Variants in NCAM1 observed in about 807,000 individuals in gnomAD.
NCAM1 encodes neural cell adhesion molecule 1, also known as antigen recognized by monoclonal antibody 5.1H11.
A neutral mutation model predicts 109.8 loss-of-function variants in NCAM1; 14 were observed. The observed-to-expected ratio is 0.13, with a 90% confidence interval of 0.08 to 0.20. The LOEUF is 0.20. NCAM1 is among the 10% of genes least tolerant of loss of function. The probability of loss-of-function intolerance (pLI) is 1.00; values close to 1 mark genes in which losing one functional copy is unlikely to be tolerated. For synonymous variants in NCAM1, 418 were observed against 442.9 expected (o/e 0.94, Z 0.70); for missense variants, 774 against 1,109.9 (o/e 0.70, Z 4.30).
At chr11:113,168,263 G>A (rs1023046005) in intron 1 of NCAM1, among the ~76,000 whole-genome samples, 4 of 152,092 alleles carry the variant, frequency 2.6e-5, no homozygotes, top group Non-Finnish European at 5.9e-5. Flanking sequence ...GGTCCTATTT[G>A]TATTTGGTGT....
At chr11:113,118,692 G>GC (rs1273859683) in intron 1 of NCAM1, among the ~76,000 whole-genome samples, 1 of 151,756 alleles carries the variant, frequency 6.6e-6, no homozygotes, top group African/African-American at 2.4e-5. Context: ...TAGAATTGAC[G>GC]AATGGGTTCA....
At chr11:113,048,703 C>A (rs1953356306) in intron 1 of NCAM1, among the ~76,000 whole-genome samples, 1 of 152,198 alleles carries the variant, frequency 6.6e-6, no homozygotes, top group East Asian at 1.9e-4. Context: ...GTTATCCTGC[C>A]TGCCCCCAGC....
intron 1 of NCAM1, among the ~76,000 whole-genome samples, chr11:113,178,970 G>A (rs1943251365): frequency 6.6e-6 from 1 of 152,340 alleles, no homozygotes; most frequent in African/African-American, 2.4e-5. Context: ...TGAATGTCAG[G>A]CAGGACAGTA....
chr11:113,038,425 T>C (rs1201726433), intron 1 of NCAM1, among the ~76,000 whole-genome samples: 1 of 152,218 alleles, frequency 6.6e-6, no homozygotes, highest in Non-Finnish European at 1.5e-5. Context: ...CCCATAGCAC[T>C]TTGCTTCTTT....
chr11:113,032,583 T>C (rs1247196624), intron 1 of NCAM1, among the ~76,000 whole-genome samples: 2 of 152,238 alleles, frequency 1.3e-5, no homozygotes, highest in South Asian at 4.1e-4. Context: ...TTTTCCTATG[T>C]GCCCAGGCAG....
At chr11:113,177,933 A>T (rs1336508196) in intron 1 of NCAM1, among the ~76,000 whole-genome samples, 1 of 152,122 alleles carries the variant, frequency 6.6e-6, no homozygotes, top group Non-Finnish European at 1.5e-5. Context: ...AGGAATGCCT[A>T]CAGCAGCAGT....
Position 113,175,767 on chromosome 11 carries a change from T to C in NCAM1, c.53-26612T>C, listed in dbSNP as rs574573295. 1.7e-4 allele frequency among the ~76,000 whole-genome samples: 26 copies of C among 152,354 alleles called. No homozygotes were observed. The South Asian group carries it at 5.4e-3, about 32-fold the overall frequency. ...GAACATATTTAATACTGTGTCCCTATATTTATAATCCCAACATATTTATGC... is the reference window on the plus strand; with the variant it reads ...GAACATATTTAATACTGTGTCCCTACATTTATAATCCCAACATATTTATGC... On this transcript the variant is annotated intron_variant, in intron 1 of 19. Coordinates refer to ENST00000316851, the MANE Select transcript of NCAM1 (RefSeq NM_181351.5).
rs1179895846 is a variant in NCAM1, at chr11:113,273,224, G to A, written c.2456+1348G>A. 586 of 307,556 alleles carry A rather than the reference G, an allele frequency of 1.9e-3. 3 individuals are homozygous for A. The highest frequency in any genetic ancestry group is 1.2e-3 in the Non-Finnish European group (204 of 164,950). The allele number at this position is 307,556 out of a possible 1,614,324, so 19.1% of individuals were successfully genotyped here. A position where few individuals can be genotyped will look rare whatever the true frequency, so the allele number is the denominator to read the frequency against. The stretch of plus-strand genomic sequence containing the variant: ...CCCTCGTTGACCTGAGCGACACCCC[G>A]ACCTCAACCCCTGCCGCTAGCAATT... On this transcript the variant is annotated intron_variant, in intron 19 of 19. Coordinates refer to ENST00000316851, the MANE Select transcript of NCAM1 (RefSeq NM_181351.5). This position sits in a 1 kb window ranked among gnomAD's most constrained non-coding sequence, Gnocchi z 6.0.
At chr11:113,275,183 C>T in intron 19 of NCAM1, 84 bp from the exon 20 acceptor site, 1 of 1,554,902 alleles carries the variant, frequency 6.4e-7, no homozygotes, top group South Asian at 1.2e-5. Flanking sequence ...CCTCCTCCTC[C>T]CTGCTGTCCC....
chr11:113,100,121 C>T (rs1939805073), intron 1 of NCAM1, among the ~76,000 whole-genome samples: 1 of 152,122 alleles, frequency 6.6e-6, no homozygotes, highest in Non-Finnish European at 1.5e-5. Flanking sequence ...CCAGTACTGC[C>T]CTCTCCTGTT....
intron 1 of NCAM1, among the ~76,000 whole-genome samples, chr11:113,108,034 G>A (rs1555092886): frequency 6.6e-6 from 1 of 152,106 alleles, no homozygotes; most frequent in Non-Finnish European, 1.5e-5. Flanking sequence ...GTTAGAAAAT[G>A]GGTTGTATTC....
At chr11:113,158,813 G>A (rs753833810) in intron 1 of NCAM1, among the ~76,000 whole-genome samples, 1 of 152,124 alleles carries the variant, frequency 6.6e-6, no homozygotes, top group Non-Finnish European at 1.5e-5. Flanking sequence ...CCTATTTATT[G>A]GGTTAAGTAG....
chr11:113,171,063 A>T (rs1179502354), intron 1 of NCAM1, among the ~76,000 whole-genome samples: 1 of 152,164 alleles, frequency 6.6e-6, no homozygotes, highest in Non-Finnish European at 1.5e-5. Flanking sequence ...TGGATTAATG[A>T]GTGCTGGTTT....
intron 1 of NCAM1, among the ~76,000 whole-genome samples, chr11:113,184,585 C>T (rs1051809316): frequency 7.9e-5 from 12 of 152,184 alleles, no homozygotes; most frequent in Admixed American, 7.9e-4. Context: ...CATACCCACA[C>T]CTTTCTTTTT....
intron 1 of NCAM1, among the ~76,000 whole-genome samples, chr11:113,118,390 C>T (rs578058867): frequency 3.3e-5 from 5 of 151,930 alleles, no homozygotes; most frequent in African/African-American, 9.7e-5. Context: ...CAGAAAAGGG[C>T]CCTGCCTTTA....
chr11:113,029,615 GA>G (rs1380656617), intron 1 of NCAM1, among the ~76,000 whole-genome samples: 1 of 152,136 alleles, frequency 6.6e-6, no homozygotes, highest in Non-Finnish European at 1.5e-5. Flanking sequence ...GTGGACTCTG[GA>G]AAACTCAAGA....
chr11:113,117,275 C>A (rs1424114150), intron 1 of NCAM1, among the ~76,000 whole-genome samples: 2 of 152,022 alleles, frequency 1.3e-5, no homozygotes. Context: ...AAGTTATTCA[C>A]AATTTAGTGT....
rs559279844 is a variant in NCAM1, at chr11:112,997,340, A to T, written c.52+35676A>T. 2.6e-5 allele frequency among the ~76,000 whole-genome samples: 4 copies of T among 152,344 alleles called. No homozygotes were observed. In the East Asian group the frequency reaches 7.7e-4, roughly 29 times the overall value. Reference sequence around the variant, plus strand: ...AAGGAGCATAAATTTATTACATAGTATATTAATTCACCGCAAGAATAGATT... The same window carrying T: ...AAGGAGCATAAATTTATTACATAGTTTATTAATTCACCGCAAGAATAGATT... On this transcript the variant is annotated intron_variant, in intron 1 of 19. Coordinates refer to ENST00000316851, the MANE Select transcript of NCAM1 (RefSeq NM_181351.5).
At chr11:113,147,786 T>C (rs1555101587) in intron 1 of NCAM1, among the ~76,000 whole-genome samples, 1 of 152,210 alleles carries the variant, frequency 6.6e-6, no homozygotes, top group Non-Finnish European at 1.5e-5. Flanking sequence ...GCCATTTTTA[T>C]AACATTTAAA....
Sources: allele counts gnomAD v4.1 joint callset (sites outside exome capture counted in the v4.1 genomes callset), GRCh38; gene constraint gnomAD v4.1.1; non-coding constraint Gnocchi (gnomAD v3.1); transcripts MANE v1.5; gene names NCBI Gene and HGNC (gene_info 2026-07-23, HGNC 2026-07-21).